AFF3: variants seen among roughly 807,000 people sequenced by gnomAD.
The protein encoded by AFF3 is AF4/FMR2 family member 3.
In AFF3, 32 loss-of-function variants were observed where a neutral mutation model predicts 129.7. The ratio of observed to expected loss-of-function variants is 0.25; its 90% CI spans 0.19 to 0.33. The LOEUF is 0.33. Ranked by LOEUF, AFF3 falls within the 10% of genes least tolerant of loss-of-function variation. The probability of loss-of-function intolerance (pLI) is 1.00; values close to 1 mark genes in which losing one functional copy is unlikely to be tolerated. For synonymous variants in AFF3, 644 were observed against 635.4 expected (o/e 1.01, Z -0.20); for missense variants, 1,373 against 1,592.0 (o/e 0.86, Z 2.34).
chr2:100,122,317 T>A (rs1011096966), intron 2 of AFF3, among the ~76,000 whole-genome samples: 3 of 152,216 alleles, frequency 2.0e-5, no homozygotes, highest in Admixed American at 2.0e-4. Context: ...ATTGAGATGA[T>A]CATGAGAGAA....
intron 11 of AFF3, among the ~76,000 whole-genome samples, chr2:99,726,675 T>C (rs1647747937): frequency 1.3e-5 from 2 of 152,216 alleles, no homozygotes; most frequent in South Asian, 4.1e-4. Flanking sequence ...GCTTTTCACA[T>C]AATTCCAAGG....
At chr2:99,921,463 C>G (rs1041629734) in intron 7 of AFF3, among the ~76,000 whole-genome samples, 2 of 151,990 alleles carry the variant, frequency 1.3e-5, no homozygotes, top group African/African-American at 4.8e-5. Context: ...TGTTGAAATC[C>G]AAACAAAGTC....
chr2:100,033,814 C>G (rs1269762595), intron 4 of AFF3, among the ~76,000 whole-genome samples: 9 of 152,026 alleles, frequency 5.9e-5, no homozygotes, highest in Non-Finnish European at 7.4e-5. Context: ...TTATAAGAAC[C>G]TCTGCAACAG....
At chr2:99,927,674 C>G (rs1696358035) in intron 7 of AFF3, among the ~76,000 whole-genome samples, 1 of 151,202 alleles carries the variant, frequency 6.6e-6, no homozygotes, top group Non-Finnish European at 1.5e-5. Flanking sequence ...ACAACAGACC[C>G]TTAAGATGTA....
chr2:99,939,023 A>T (rs915034358), intron 7 of AFF3, among the ~76,000 whole-genome samples: 1 of 152,210 alleles, frequency 6.6e-6, no homozygotes, highest in African/African-American at 2.4e-5. Context: ...CCAAAATTTG[A>T]AAGTTTTTGA....
chr2:99,804,694 C>T (rs1396507625), intron 8 of AFF3, among the ~76,000 whole-genome samples: 1 of 152,148 alleles, frequency 6.6e-6, no homozygotes, highest in Non-Finnish European at 1.5e-5. Flanking sequence ...AAGTGCTCAT[C>T]AACTGATGAG....
At chr2:99,891,756 A>T (rs1292704362) in intron 7 of AFF3, among the ~76,000 whole-genome samples, 1 of 152,174 alleles carries the variant, frequency 6.6e-6, no homozygotes, top group Non-Finnish European at 1.5e-5. Flanking sequence ...AGGGTCCCAC[A>T]GCTCATAGTT....
chr2:99,811,503 G>A (rs972398207), intron 8 of AFF3, among the ~76,000 whole-genome samples: 2 of 151,782 alleles, frequency 1.3e-5, no homozygotes, highest in Non-Finnish European at 2.9e-5. Flanking sequence ...TATCCTCCCC[G>A]TACTGCAAAC....
intron 13 of AFF3, among the ~76,000 whole-genome samples, chr2:99,603,362 C>T (rs905701844): frequency 6.6e-6 from 1 of 152,166 alleles, no homozygotes; most frequent in African/African-American, 2.4e-5. Context: ...TAGAACCTGA[C>T]AGAAACAAGC....
chr2:100,069,680 C>T (rs1176339185), intron 4 of AFF3, among the ~76,000 whole-genome samples: 2 of 152,130 alleles, frequency 1.3e-5, no homozygotes, highest in East Asian at 3.9e-4. Flanking sequence ...TCAAGCAACA[C>T]AAAATCAGAA....
intron 4 of AFF3, among the ~76,000 whole-genome samples, chr2:100,073,255 T>C (rs922733893): frequency 2.6e-5 from 4 of 152,226 alleles, no homozygotes; most frequent in Admixed American, 6.5e-5. Context: ...CACAACCCTG[T>C]GTGACTGGTG....
intron 8 of AFF3, among the ~76,000 whole-genome samples, chr2:99,808,862 T>C (rs1686562548): frequency 6.6e-6 from 1 of 152,244 alleles, no homozygotes; most frequent in Admixed American, 6.5e-5. Context: ...CCATTTTCCA[T>C]AATACACTGT....
intron 7 of AFF3, among the ~76,000 whole-genome samples, chr2:99,921,812 T>A (rs1464022685): frequency 6.6e-6 from 1 of 152,094 alleles, no homozygotes; most frequent in Non-Finnish European, 1.5e-5. Context: ...AATACATATA[T>A]CTGACAAATG....
chr2:100,104,924 C>G (rs1392461110), intron 3 of AFF3: 1 of 165,392 alleles, frequency 6.0e-6, no homozygotes, highest in South Asian at 1.8e-4. Context: ...GCGCCGCGCC[C>G]GCCCCGCGCG....
At chr2:100,132,043 T>C (rs946320761) in intron 1 of AFF3, among the ~76,000 whole-genome samples, 18 of 152,122 alleles carry the variant, frequency 1.2e-4, no homozygotes, top group Admixed American at 1.3e-4. Context: ...GGCAGAACAT[T>C]TTTAGTTCCA....
intron 10 of AFF3, among the ~76,000 whole-genome samples, chr2:99,729,690 T>C (rs868696768): frequency 6.6e-6 from 1 of 152,174 alleles, no homozygotes; most frequent in Non-Finnish European, 1.5e-5. Context: ...ATGATGAATG[T>C]AATGGAACAT....
chr2:100,069,547 C>T (rs575876604), intron 4 of AFF3, among the ~76,000 whole-genome samples: 97 of 152,238 alleles, frequency 6.4e-4, no homozygotes, highest in African/African-American at 2.3e-3. Context: ...AAAACATTTT[C>T]TGCAATATAT....
intron 8 of AFF3, among the ~76,000 whole-genome samples, chr2:99,796,390 T>C (rs1685560530): frequency 6.6e-6 from 1 of 152,226 alleles, no homozygotes; most frequent in Non-Finnish European, 1.5e-5. Context: ...AAATAGATTT[T>C]AACTCAAAAA....
At chr2:99,934,308 G>T (rs1674319891) in intron 7 of AFF3, among the ~76,000 whole-genome samples, 1 of 152,154 alleles carries the variant, frequency 6.6e-6, no homozygotes, top group Admixed American at 6.5e-5. Flanking sequence ...CCCGACAAAT[G>T]GGCATTTTCA....
Sources: gnomAD v4.1 joint callset for allele counts (sites outside exome capture counted in the v4.1 genomes callset) on GRCh38, gnomAD v4.1.1 for gene constraint, MANE v1.5 for transcripts, NCBI Gene and HGNC (gene_info 2026-07-23, HGNC 2026-07-21) for gene names.